Variants in CFAP47 observed in about 807,000 individuals in gnomAD.
CFAP47 encodes the protein cilia and flagella associated protein 47, also known as cilia- and flagella-associated protein 47.
CFAP47 carries 29 observed loss-of-function variants against 148.1 expected under a neutral mutation model. The observed-to-expected ratio is 0.20, with a 90% confidence interval of 0.15 to 0.27. CFAP47 has a LOEUF of 0.27. Among genes scored for constraint, CFAP47 ranks in the 10% least tolerant of loss-of-function variants. The pLI is 1.00. For missense variants in CFAP47, 1,872 were observed against 1,697.5 expected, an observed-to-expected ratio of 1.10 and a Z score of -1.81; for synonymous variants, 664 against 577.3, an observed-to-expected ratio of 1.15 and a Z score of -2.15.
At chrX:36,223,001 A>G (rs924083949) in intron 45 of CFAP47, among the ~76,000 whole-genome samples, 1 of 110,680 alleles carries the variant, frequency 9.0e-6, no homozygotes, top group African/African-American at 3.3e-5. Flanking sequence ...TGTACTCAGG[A>G]TAGTGAGTGA....
chrX:36,130,722 C>A, intron 33 of CFAP47, among the ~76,000 whole-genome samples: 1 of 110,993 alleles, frequency 9.0e-6, no homozygotes, highest in African/African-American at 3.3e-5. Context: ...GGTACATACA[C>A]ACAATGGGGT....
chrX:36,280,000 G>A (rs1422120052), intron 49 of CFAP47, among the ~76,000 whole-genome samples: 1 of 110,607 alleles, frequency 9.0e-6, no homozygotes, highest in African/African-American at 3.3e-5. Flanking sequence ...CACTGTGCCT[G>A]GCCTCACTAA....
At chrX:36,210,734 T>A (rs1940090782) in intron 45 of CFAP47, among the ~76,000 whole-genome samples, 1 of 112,334 alleles carries the variant, frequency 8.9e-6, no homozygotes, top group Admixed American at 9.5e-5. Flanking sequence ...ACTGTTTTTG[T>A]TGTTCTTGTT....
At chrX:36,045,028 T>C (rs1937448178) in intron 25 of CFAP47, among the ~76,000 whole-genome samples, 1 of 112,225 alleles carries the variant, frequency 8.9e-6, no homozygotes, top group Non-Finnish European at 1.9e-5. Flanking sequence ...AAGGATATTG[T>C]ACTTCTTCCT....
At chrX:36,132,503 A>G (rs1409502723) in intron 33 of CFAP47, among the ~76,000 whole-genome samples, 1 of 111,855 alleles carries the variant, frequency 8.9e-6, no homozygotes, top group African/African-American at 3.2e-5. Context: ...CTGCTGATTC[A>G]CTTAGCTCAC....
chrX:36,296,525 G>C (rs1941243780), intron 51 of CFAP47, among the ~76,000 whole-genome samples: 1 of 112,299 alleles, frequency 8.9e-6, no homozygotes, highest in African/African-American at 3.2e-5. Flanking sequence ...TGCAGGGATT[G>C]TTTTGTAAAA....
intron 21 of CFAP47, among the ~76,000 whole-genome samples, chrX:36,010,419 C>G (rs1937025313): frequency 9.3e-6 from 1 of 107,698 alleles, no homozygotes; most frequent in African/African-American, 3.4e-5. Flanking sequence ...TTATTCATGT[C>G]TCCTCTCATT....
chrX:36,019,087 C>A (rs927200017), intron 22 of CFAP47, among the ~76,000 whole-genome samples: 1 of 111,355 alleles, frequency 9.0e-6, no homozygotes, highest in Non-Finnish European at 1.9e-5. Context: ...ACGGGGGCAC[C>A]AGTTGTGGGG....
chrX:35,967,094 A>G (rs984585549), intron 9 of CFAP47, among the ~76,000 whole-genome samples: 5 of 111,136 alleles, frequency 4.5e-5, no homozygotes, highest in African/African-American at 1.6e-4. Context: ...TTCCCAGTAG[A>G]TGCTGACACT....
At chrX:36,138,078 A>C (rs1432089668) in intron 34 of CFAP47, 23 bp downstream of exon 34, 1 of 644,676 alleles carries the variant, frequency 1.6e-6, no homozygotes, top group Non-Finnish European at 2.5e-6. Context: ...TTTATGCATA[A>C]TGATCTTCTA....
rs782066154 is a variant in CFAP47 at position 36,378,788 on chromosome X, G to A, written c.9186-562G>A. ...ACTCATGACCTCAGGTGAACCACCC[G>A]CCTTGGCCTCCCAAATTGCTGGAAT... On this transcript the variant is annotated intron_variant, in intron 62 of 63. Transcript: ENST00000378653. 3.7e-5 allele frequency among the ~76,000 whole-genome samples: 4 copies of A among 109,351 alleles called. No homozygotes were observed. The South Asian group carries it at 1.2e-3, about 33-fold the overall frequency. 95.0% of individuals were successfully genotyped at this position (109,351 alleles called of 115,157 possible). A position where few individuals can be genotyped will look rare whatever the true frequency, so the allele number is the denominator to read the frequency against.
intron 26 of CFAP47, among the ~76,000 whole-genome samples, chrX:36,050,047 G>A (rs113773687): frequency 7.3e-4 from 82 of 111,786 alleles, no homozygotes; most frequent in African/African-American, 2.5e-3. Context: ...CCATGATTGC[G>A]AGGCCTCCCC....
At chrX:36,144,012 C>A (rs1026353152) in intron 35 of CFAP47, among the ~76,000 whole-genome samples, 1 of 111,601 alleles carries the variant, frequency 9.0e-6, no homozygotes, top group Non-Finnish European at 1.9e-5. Flanking sequence ...TTATGCGTGA[C>A]CCAAATGGTA....
intron 27 of CFAP47, among the ~76,000 whole-genome samples, chrX:36,069,936 A>G (rs1937715775): frequency 8.9e-6 from 1 of 112,346 alleles, no homozygotes; most frequent in Admixed American, 9.5e-5. Context: ...TTGAAAGTGT[A>G]TAGATGTGGC....
At chrX:36,078,966 G>A (rs930707020) in intron 29 of CFAP47, among the ~76,000 whole-genome samples, 13 of 111,376 alleles carry the variant, frequency 1.2e-4, no homozygotes, top group Admixed American at 2.9e-4. Flanking sequence ...GAAATTCTGC[G>A]TTGAAAATTC....
intron 30 of CFAP47, among the ~76,000 whole-genome samples, chrX:36,095,765 TC>T (rs1938265143): frequency 8.9e-6 from 1 of 111,914 alleles, no homozygotes; most frequent in Admixed American, 9.5e-5. Flanking sequence ...TTTCTTTTTA[TC>T]TTAGTCTGGC....
chrX:36,320,678 T>G (rs1941471742), intron 57 of CFAP47, among the ~76,000 whole-genome samples: 1 of 112,292 alleles, frequency 8.9e-6, no homozygotes, highest in Non-Finnish European at 1.9e-5. Flanking sequence ...TAAAATATGT[T>G]CAATGTCACT....
chrX:36,263,763 C>G (rs929059320), intron 49 of CFAP47, among the ~76,000 whole-genome samples: 18 of 111,640 alleles, frequency 1.6e-4, no homozygotes, highest in Non-Finnish European at 2.8e-4. Flanking sequence ...CCAAGAGCCC[C>G]TGTGGCCATG....
chrX:36,151,242 A>G (rs1490623058), intron 37 of CFAP47, among the ~76,000 whole-genome samples: 1 of 112,254 alleles, frequency 8.9e-6, no homozygotes, highest in Non-Finnish European at 1.9e-5. Context: ...AGAAAAATAA[A>G]CAGGATAACA....
Sources: gnomAD v4.1 joint callset for allele counts (sites outside exome capture counted in the v4.1 genomes callset) on GRCh38, gnomAD v4.1.1 for gene constraint, MANE v1.5 for transcripts, NCBI Gene and HGNC (gene_info 2026-07-23, HGNC 2026-07-21) for gene names.